The following HDAC9 variants were observed in gnomAD, a reference collection of about 807,000 sequenced individuals.
The protein encoded by HDAC9 is MEF-2 interacting transcription repressor (MITR) protein.
In HDAC9, 41 loss-of-function variants were observed where a neutral mutation model predicts 139.4. The observed-to-expected ratio is 0.29, with a 90% CI of 0.23 to 0.38. The LOEUF (loss-of-function observed/expected upper bound fraction) is 0.38, where lower values mean the gene tolerates loss of function less well. HDAC9 is among the 10% of genes least tolerant of loss of function. The pLI, the probability that HDAC9 is intolerant of heterozygous loss-of-function variation, is 1.00. For missense variants in HDAC9, 1,147 were observed against 1,297.0 expected, an observed-to-expected ratio of 0.88 and a Z score of 1.78; for synonymous variants, 517 against 476.2, an observed-to-expected ratio of 1.09 and a Z score of -1.12.
chr7:18,882,066 G>A (rs930069272), intron 22 of HDAC9, among the ~76,000 whole-genome samples: 1 of 152,116 alleles, frequency 6.6e-6, no homozygotes, highest in Non-Finnish European at 1.5e-5. Flanking sequence ...AACTGGCCAA[G>A]TGCCTGGAAC....
At chr7:18,754,602 A>G (rs945695093) in intron 14 of HDAC9, among the ~76,000 whole-genome samples, 1 of 152,142 alleles carries the variant, frequency 6.6e-6, no homozygotes, top group Non-Finnish European at 1.5e-5. Flanking sequence ...TTAATTCATA[A>G]GTAAGAACCA....
At chr7:18,173,201 T>C (rs959403125) in intron 2 of HDAC9, among the ~76,000 whole-genome samples, 8 of 152,352 alleles carry the variant, frequency 5.3e-5, no homozygotes, top group African/African-American at 1.9e-4. Context: ...TTTACCATTA[T>C]GTAATGGCCT....
intron 24 of HDAC9, among the ~76,000 whole-genome samples, chr7:18,974,628 C>A (rs532202519): frequency 1.4e-3 from 215 of 152,314 alleles, no homozygotes; most frequent in African/African-American, 4.5e-3. Flanking sequence ...GTAATGGACA[C>A]CTATGTCAGA....
intron 2 of HDAC9, among the ~76,000 whole-genome samples, chr7:18,564,725 T>C (rs1436388682): frequency 1.3e-5 from 2 of 152,142 alleles, no homozygotes; most frequent in Non-Finnish European, 2.9e-5. Context: ...ATTAACATTT[T>C]ACCATTAGAT....
At chr7:18,245,544 T>TATAA (rs1794468552) in intron 2 of HDAC9, among the ~76,000 whole-genome samples, 1 of 152,166 alleles carries the variant, frequency 6.6e-6, no homozygotes, top group Non-Finnish European at 1.5e-5. Flanking sequence ...AAGGCCCATT[T>TATAA]AGCCTCTGGG....
chr7:18,491,579 C>G (rs2128135077), upstream of HDAC9, among the ~76,000 whole-genome samples: 1 of 152,054 alleles, frequency 6.6e-6, no homozygotes, highest in Middle Eastern at 3.4e-3. Context: ...GAACCGAGAT[C>G]CTGATAAATT....
intron 1 of HDAC9, among the ~76,000 whole-genome samples, chr7:18,390,047 AACACACACAC>A (rs60514746): frequency 0.014 from 1,892 of 130,484 alleles, 30 homozygotes; most frequent in Middle Eastern, 0.06. Context: ...AGAGAAAGAC[AACACACACAC>A]ACACACACAC....
chr7:18,235,622 A>G (rs1167789408), intron 2 of HDAC9, among the ~76,000 whole-genome samples: 1 of 152,234 alleles, frequency 6.6e-6, no homozygotes, highest in African/African-American at 2.4e-5. Flanking sequence ...AGTTATTTGC[A>G]TCATAACTTA....
chr7:18,502,061 T>A (rs747432479), intron 2 of HDAC9, among the ~76,000 whole-genome samples: 2 of 152,172 alleles, frequency 1.3e-5, no homozygotes, highest in Non-Finnish European at 2.9e-5. Context: ...TAAGATTGGA[T>A]CCTCCAATGG....
intron 17 of HDAC9, among the ~76,000 whole-genome samples, chr7:18,801,071 T>C (rs1371143186): frequency 1.3e-5 from 2 of 152,108 alleles, no homozygotes; most frequent in Non-Finnish European, 2.9e-5. Flanking sequence ...ATGACAGTTT[T>C]ATTTCTTTTT....
intron 2 of HDAC9, among the ~76,000 whole-genome samples, chr7:18,207,972 C>T (rs969051156): frequency 2.0e-5 from 3 of 152,052 alleles, no homozygotes; most frequent in African/African-American, 4.8e-5. Flanking sequence ...CCTCGGCCTC[C>T]GAAAGTGCTG....
chr7:18,667,955 G>GT (rs1271962972), intron 12 of HDAC9: 8 of 975,470 alleles, frequency 8.2e-6, no homozygotes, highest in East Asian at 1.1e-4. Context: ...TCTTTGTGAG[G>GT]TTTTTTCTAT....
intron 14 of HDAC9, among the ~76,000 whole-genome samples, chr7:18,753,183 A>G (rs1265644382): frequency 6.6e-6 from 1 of 152,132 alleles, no homozygotes; most frequent in African/African-American, 2.4e-5. Context: ...TTAGACAATC[A>G]TACAAATAAA....
At chr7:18,759,670 T>G (rs1789202733) in intron 14 of HDAC9, among the ~76,000 whole-genome samples, 1 of 152,184 alleles carries the variant, frequency 6.6e-6, no homozygotes, top group African/African-American at 2.4e-5. Flanking sequence ...TTTTTTGTCT[T>G]CCACGAAACT....
In HDAC9 at chr7:18,420,718, AT is replaced by A. The variant is rs1448245673; in HGVS notation, c.-41-75538del. 3.9e-5 allele frequency among the ~76,000 whole-genome samples: 6 copies of A among 152,288 alleles called. No individual in the cohort carries two copies. The South Asian group carries it at 1.0e-3, about 26-fold the overall frequency. On this transcript the variant is annotated intron_variant, in intron 1 of 3. Coordinates refer to the HDAC9 transcript ENST00000413509. ...TAATATCCCTGATCTTACAGAACTC[AT>A]TTTTTAATTGGGGGAGGGGCTTAAA...
chr7:18,325,031 A>G (rs1800327374), intron 1 of HDAC9, among the ~76,000 whole-genome samples: 1 of 152,086 alleles, frequency 6.6e-6, no homozygotes, highest in Non-Finnish European at 1.5e-5. Flanking sequence ...TGAATATCTA[A>G]GCAGAGAGCT....
chr7:18,302,404 T>C (rs1325238245), intron 1 of HDAC9, among the ~76,000 whole-genome samples: 1 of 152,166 alleles, frequency 6.6e-6, no homozygotes, highest in African/African-American at 2.4e-5. Flanking sequence ...TTGTGTATGG[T>C]GTGGCTGGAT....
intron 1 of HDAC9, among the ~76,000 whole-genome samples, chr7:18,091,103 A>G (rs1782112782): frequency 6.6e-6 from 1 of 152,238 alleles, no homozygotes; most frequent in Admixed American, 6.5e-5. Flanking sequence ...GAATAAGCAG[A>G]CAGTACCAAG....
At chr7:18,103,302 A>C (rs1562621703) in intron 1 of HDAC9, among the ~76,000 whole-genome samples, 1 of 152,206 alleles carries the variant, frequency 6.6e-6, no homozygotes, top group Non-Finnish European at 1.5e-5. Flanking sequence ...CAGCCAAACC[A>C]TATCAGACTG....
Sources: allele counts gnomAD v4.1 joint callset (sites outside exome capture counted in the v4.1 genomes callset), GRCh38; gene constraint gnomAD v4.1.1; transcripts MANE v1.5; gene names NCBI Gene and HGNC (gene_info 2026-07-23, HGNC 2026-07-21).